The following SMIM35 variants were observed in gnomAD, a reference collection of about 807,000 sequenced individuals.
The protein encoded by SMIM35 is small integral membrane protein 35.
At position 118,011,953 on chromosome 11, in the gene SMIM35, G is replaced by A. The variant is rs550848419; in HGVS notation, c.*33+1795C>T. Among the ~76,000 whole-genome samples the A allele has an allele frequency of 2.6e-5, 4 of 152,346 alleles. No individual in the cohort carries two copies. The South Asian group carries it at 8.3e-4, about 32-fold the overall frequency. The stretch of plus-strand genomic sequence containing the variant: ...GGTAATTAAGTCAAAGCCTGGCTAT[G>A]CTGGGAGAATGGCCTCCAGACCCTG... On this transcript the variant is annotated intron_variant, in intron 4 of 4. Transcript: ENST00000689828.
intron 1 of SMIM35, among the ~76,000 whole-genome samples, chr11:118,085,902 C>T (rs1395793050): frequency 6.6e-6 from 1 of 152,186 alleles, no homozygotes; most frequent in Non-Finnish European, 1.5e-5. Context: ...GAAAGCTGAG[C>T]AAAGTAGAGC....
intron 1 of SMIM35, among the ~76,000 whole-genome samples, chr11:118,029,463 C>T (rs1350816484): frequency 6.6e-6 from 1 of 152,162 alleles, no homozygotes; most frequent in East Asian, 1.9e-4. Flanking sequence ...CTCTATTTGG[C>T]TTTGTGATGT....
intron 1 of SMIM35, among the ~76,000 whole-genome samples, chr11:118,066,082 G>A (rs557536661): frequency 4.6e-5 from 7 of 152,138 alleles, no homozygotes; most frequent in African/African-American, 1.2e-4. Context: ...CCGGACGTAC[G>A]ACCTCCACCC....
At chr11:118,007,279 G>A (rs573388127) in intron 4 of SMIM35, among the ~76,000 whole-genome samples, 1 of 152,322 alleles carries the variant, frequency 6.6e-6, no homozygotes, top group Non-Finnish European at 1.5e-5. Flanking sequence ...CAGCTGGAAG[G>A]GACCTCAGAG....
chr11:118,036,539 G>A (rs905418544), intron 1 of SMIM35, among the ~76,000 whole-genome samples: 3 of 152,310 alleles, frequency 2.0e-5, no homozygotes, highest in Admixed American at 6.5e-5. Flanking sequence ...GATTGGTAAC[G>A]TGCTGCCAGC....
intron 1 of SMIM35, among the ~76,000 whole-genome samples, chr11:118,060,877 C>T (rs1349848253): frequency 6.6e-6 from 1 of 152,252 alleles, no homozygotes; most frequent in Non-Finnish European, 1.5e-5. Context: ...GACACCCACC[C>T]TGGCCCCCTT....
chr11:118,024,254 ACT>A lies in SMIM35; in HGVS notation c.8-8447_8-8446del, dbSNP rs139681587. Reference sequence around the variant, plus strand: ...TCTGGTGCCCATGGTTGATATCATAACTCTTTTTTTATTACATCAAGGAAGGC... The same window carrying A: ...TCTGGTGCCCATGGTTGATATCATAACTTTTTTTATTACATCAAGGAAGGC... On this transcript the variant is annotated intron_variant, in intron 1 of 4. Coordinates refer to ENST00000689828, the MANE Select transcript of SMIM35 (RefSeq NM_001394165.1). Among the ~76,000 whole-genome samples, 363 of 152,120 alleles carry A rather than the reference ACT, an allele frequency of 2.4e-3. 1 individual carries two copies. Among genetic ancestry groups the A allele is most frequent in the African/African-American group, 8.1e-3 (336 of 41,492 alleles).
intron 1 of SMIM35, among the ~76,000 whole-genome samples, chr11:118,066,265 A>G (rs899818642): frequency 1.3e-5 from 2 of 152,026 alleles, no homozygotes; most frequent in East Asian, 3.9e-4. Flanking sequence ...TTCCAAATCT[A>G]GTCAGTCACC....
chr11:118,021,773 A>C (rs1020117419), intron 1 of SMIM35, among the ~76,000 whole-genome samples: 9 of 152,214 alleles, frequency 5.9e-5, no homozygotes, highest in Admixed American at 5.2e-4. Context: ...AAATATAAAA[A>C]GAAAAAATGA....
chr11:118,037,245 A>G (rs1315561716), intron 1 of SMIM35, among the ~76,000 whole-genome samples: 1 of 152,244 alleles, frequency 6.6e-6, no homozygotes, highest in Non-Finnish European at 1.5e-5. Context: ...TGTCATTAAC[A>G]TCAGAGCATA....
chr11:118,045,309 C>T (rs895587330), intron 1 of SMIM35, among the ~76,000 whole-genome samples: 38 of 141,668 alleles, frequency 2.7e-4, no homozygotes, highest in Non-Finnish European at 3.4e-4. Context: ...TCACATAATT[C>T]TAGTTATGGT....
chr11:118,040,217 G>C (rs1943977408), intron 1 of SMIM35, among the ~76,000 whole-genome samples: 1 of 151,902 alleles, frequency 6.6e-6, no homozygotes, highest in Non-Finnish European at 1.5e-5. Flanking sequence ...CTCTGTCTTA[G>C]AAAAAAATAA....
chr11:118,016,460 C>A (rs2058183980), intron 1 of SMIM35, among the ~76,000 whole-genome samples: 1 of 152,160 alleles, frequency 6.6e-6, no homozygotes, highest in African/African-American at 2.4e-5. Flanking sequence ...AGTGGGGGCA[C>A]CCTACGGACA....
intron 1 of SMIM35, among the ~76,000 whole-genome samples, chr11:118,049,086 G>C (rs1196162041): frequency 1.3e-5 from 2 of 152,140 alleles, no homozygotes; most frequent in African/African-American, 4.8e-5. Flanking sequence ...GCCAGCGTGA[G>C]CTTTAGCAGC....
chr11:118,062,580 A>T (rs1944407516), intron 1 of SMIM35, among the ~76,000 whole-genome samples: 1 of 152,178 alleles, frequency 6.6e-6, no homozygotes, highest in Non-Finnish European at 1.5e-5. Context: ...GCAACGGAGA[A>T]CAGGGCATGT....
At chr11:118,055,410 T>A (rs1158586562) in intron 1 of SMIM35, among the ~76,000 whole-genome samples, 1 of 152,044 alleles carries the variant, frequency 6.6e-6, no homozygotes, top group Non-Finnish European at 1.5e-5. Context: ...ACAGCCTTAC[T>A]CACTCTATGC....
At chr11:118,036,624 G>A (rs1419944751) in intron 1 of SMIM35, among the ~76,000 whole-genome samples, 1 of 152,256 alleles carries the variant, frequency 6.6e-6, no homozygotes, top group East Asian at 1.9e-4. Flanking sequence ...TGCCCCTCCA[G>A]CTGCAGGGCA....
chr11:118,072,670 T>C (rs1565399117), intron 1 of SMIM35, among the ~76,000 whole-genome samples: 1 of 152,220 alleles, frequency 6.6e-6, no homozygotes, highest in Non-Finnish European at 1.5e-5. Context: ...AAGTGTTCTC[T>C]TTTTATCTCT....
intron 1 of SMIM35, among the ~76,000 whole-genome samples, chr11:118,035,698 C>T (rs1336520605): frequency 1.3e-5 from 2 of 152,140 alleles, no homozygotes; most frequent in Admixed American, 1.3e-4. Context: ...TCACACAGTG[C>T]TCCCTGCTCA....
Sources: gnomAD v4.1 joint callset for allele counts (sites outside exome capture counted in the v4.1 genomes callset) on GRCh38, gnomAD v4.1.1 for gene constraint, MANE v1.5 for transcripts, NCBI Gene and HGNC (gene_info 2026-07-23, HGNC 2026-07-21) for gene names.